RSPH9: variants seen among roughly 807,000 people sequenced by gnomAD.
The protein encoded by RSPH9 is radial spoke head protein 9 homolog.
In RSPH9, 27 loss-of-function variants were observed where a neutral mutation model predicts 27.0. The ratio of observed to expected loss-of-function variants is 1.00; its 90% confidence interval spans 0.74 to 1.38. RSPH9 has a LOEUF of 1.38. Among genes scored for constraint, RSPH9 ranks in the 40% most tolerant of loss-of-function variants. The probability of loss-of-function intolerance (pLI) is 0.00; values close to 1 mark genes in which losing one functional copy is unlikely to be tolerated. For synonymous variants in RSPH9, 145 were observed against 147.7 expected, an observed-to-expected ratio of 0.98 and a Z score of 0.13; for missense variants, 347 against 357.4, an observed-to-expected ratio of 0.97 and a Z score of 0.24.
chr6:43,651,076 T>C (rs1334078048), intron 2 of RSPH9, among the ~76,000 whole-genome samples: 1 of 151,844 alleles, frequency 6.6e-6, no homozygotes, highest in Non-Finnish European at 1.5e-5. Flanking sequence ...AGTGCAGGCA[T>C]GAGCCAGCAT....
chr6:43,655,829 G>T, intron 3 of RSPH9, 138 bp downstream of exon 3: 1 of 1,036,912 alleles, frequency 9.6e-7, no homozygotes, highest in Non-Finnish European at 1.4e-6. Flanking sequence ...ACCTGGGAGG[G>T]TGTGCCCAGT....
intron 2 of RSPH9, 117 bp from the exon 3 acceptor site, chr6:43,655,445 G>A (rs1403677305): frequency 3.7e-6 from 4 of 1,087,362 alleles, no homozygotes; most frequent in Admixed American, 1.7e-5. Flanking sequence ...TGATCTGTGT[G>A]GCTCTGGGGT....
chr6:43,646,802 A>G (rs978298689), intron 1 of RSPH9, among the ~76,000 whole-genome samples: 26 of 151,850 alleles, frequency 1.7e-4, no homozygotes, highest in Admixed American at 2.6e-4. Context: ...TGAAAATACG[A>G]AAAATTAGAC....
chr6:43,650,367 G>A lies in RSPH9; in HGVS notation c.228-8G>A. 1 of 1,612,870 alleles carries A rather than the reference G, an allele frequency of 6.2e-7. No homozygotes were observed. Among genetic ancestry groups the A allele is most frequent in the East Asian group, 2.2e-5 (1 of 44,878 alleles). ...GGAATCCAGGGGTGATGTGAATATT[G>A]TTGGCAGCCTGAACTGCACAGAGTG... On this transcript the variant is annotated splice_polypyrimidine_tract_variant and splice_region_variant and intron_variant, in intron 1 of 4. Coordinates refer to ENST00000372163, the MANE Select transcript of RSPH9 (RefSeq NM_152732.5).
rs1044367157 is a variant in RSPH9 at position 43,650,375 on chromosome 6, C to T, written c.228C>T (p.Ser76=). 1.9e-6 allele frequency: 3 copies of T among 1,612,840 alleles called. No homozygotes were observed. Among genetic ancestry groups the T allele is most frequent in the Admixed American group, 3.3e-5 (2 of 59,988 alleles). The change falls in exon 2 of 5, where the codon AGC becomes AGT. Residue 76 remains serine, a splice_region_variant and synonymous_variant. Transcript: ENST00000372163. Reference sequence around the variant, plus strand: ...GGGGTGATGTGAATATTGTTGGCAGCCTGAACTGCACAGAGTGGAGCCTCT... The same window carrying T: ...GGGGTGATGTGAATATTGTTGGCAGTCTGAACTGCACAGAGTGGAGCCTCT... ...DQLAPRKTLY[S]LNCTEWSLLP...
At chr6:43,656,001 C>CTTCCTTCT (rs1376937989) in intron 3 of RSPH9, among the ~76,000 whole-genome samples, 1 of 127,218 alleles carries the variant, frequency 7.9e-6, no homozygotes, top group Non-Finnish European at 1.6e-5. Flanking sequence ...TCCTTCCTTC[C>CTTCCTTCT]TTCCTTCCTT....
chr6:43,649,466 C>T (rs114651365), intron 1 of RSPH9, among the ~76,000 whole-genome samples: 1,674 of 152,096 alleles, frequency 0.011, 26 homozygotes, highest in African/African-American at 0.038. Flanking sequence ...TGTGAGCCAC[C>T]GCGCCTGGTC....
At position 43,671,573 on chromosome 6, in the gene RSPH9, T is replaced by A. The variant is rs1234533326; in HGVS notation, c.*624T>A. On this transcript the variant is annotated 3_prime_UTR_variant, in exon 5 of 5. Transcript: ENST00000372163. The stretch of plus-strand genomic sequence containing the variant: ...CCCAACTGCCCTGCCTGCCTCTAGC[T>A]CCCAGCATTGCTACTGTGCAGGCCA... 1 of 658,798 alleles carries A rather than the reference T, an allele frequency of 1.5e-6. No homozygotes were observed. Among genetic ancestry groups the A allele is most frequent in the Non-Finnish European group, 2.6e-6 (1 of 388,644 alleles). The allele number at this position is 658,798 out of a possible 1,614,324, so 40.8% of individuals were successfully genotyped here.
chr6:43,665,257 T>C (rs1183420875), intron 4 of RSPH9, among the ~76,000 whole-genome samples: 1 of 152,210 alleles, frequency 6.6e-6, no homozygotes, highest in Non-Finnish European at 1.5e-5. Context: ...TGCCCTCTGC[T>C]GTCTCGGGTA....
chr6:43,645,264 G>GATT lies in RSPH9; in HGVS notation c.168_170dup (p.Tyr58dup). 6.2e-7 allele frequency: 1 copy of GATT among 1,613,858 alleles called. No homozygotes were observed. The highest frequency in any genetic ancestry group is 1.1e-5 in the South Asian group (1 of 91,084). ...GGGCCGCATCCTTGGCCTCGTCGCC[G>GATT]ATTACTACATCGCGCAGGGCCTGAG... On this transcript the variant is annotated inframe_insertion, in exon 1 of 5. Transcript: ENST00000372163.
rs745675858 is a variant in RSPH9 at position 43,671,001 on chromosome 6, A to G, written c.*52A>G. On this transcript the variant is annotated 3_prime_UTR_variant, in exon 5 of 5. Transcript: ENST00000372163. ...AACAGAGTCTAAACATGATTTTCTT[A>G]AGCTTCAGTGAACTTGGCCTGCCTG... 5 of 1,609,872 alleles carry G rather than the reference A, an allele frequency of 3.1e-6. No individual in the cohort carries two copies. In the Admixed American group the frequency reaches 5.0e-5, roughly 16 times the overall value.
chr6:43,656,119 C>G (rs1403102300), intron 3 of RSPH9, among the ~76,000 whole-genome samples: 2 of 136,600 alleles, frequency 1.5e-5, no homozygotes, highest in African/African-American at 5.3e-5. Context: ...GTGTTTTGCT[C>G]TTGTCATCCA....
intron 4 of RSPH9, among the ~76,000 whole-genome samples, chr6:43,659,452 G>A (rs985988438): frequency 8.7e-5 from 13 of 150,160 alleles, no homozygotes; most frequent in Admixed American, 4.0e-4. Context: ...GTGCGATCTC[G>A]GCTCACTGCA....
At chr6:43,656,449 C>T (rs1772059200) in intron 3 of RSPH9, 128 bp from the exon 4 acceptor site, 1 of 1,086,486 alleles carries the variant, frequency 9.2e-7, no homozygotes, top group Non-Finnish European at 1.4e-6. Context: ...CCCTTTCCTT[C>T]CTTTAGCTCT....
At chr6:43,668,281 G>T (rs765481494) in intron 4 of RSPH9, among the ~76,000 whole-genome samples, 5 of 152,144 alleles carry the variant, frequency 3.3e-5, no homozygotes, top group Non-Finnish European at 5.9e-5. Context: ...TAGATGCTAC[G>T]TGACTCCTGG....
At chr6:43,662,832 C>T (rs1772771542) in intron 4 of RSPH9, among the ~76,000 whole-genome samples, 1 of 151,932 alleles carries the variant, frequency 6.6e-6, no homozygotes, top group African/African-American at 2.4e-5. Context: ...GGTCTTGCTT[C>T]ATCACCCAGA....
At chr6:43,657,255 T>C (rs1321597429) in intron 4 of RSPH9, among the ~76,000 whole-genome samples, 6 of 152,238 alleles carry the variant, frequency 3.9e-5, no homozygotes, top group Non-Finnish European at 7.3e-5. Flanking sequence ...CCCCACTTCT[T>C]TCTCTTCCCT....
chr6:43,671,853 G>T lies in RSPH9; in HGVS notation c.*904G>T, dbSNP rs1213461600. ...GGGCATGCGCACCCTGTTCCAGCGGGGGCCTTTTTTGTAGATGGGCTTGAC... is the reference window on the plus strand; with the variant it reads ...GGGCATGCGCACCCTGTTCCAGCGGTGGCCTTTTTTGTAGATGGGCTTGAC... On this transcript the variant is annotated 3_prime_UTR_variant, in exon 5 of 5. Transcript: ENST00000372163. 1 of 1,613,962 alleles carries T rather than the reference G, an allele frequency of 6.2e-7. No homozygotes were observed. Among genetic ancestry groups the T allele is most frequent in the Non-Finnish European group, 8.5e-7 (1 of 1,180,000 alleles).
At chr6:43,645,404 A>G (rs1770745646) in intron 1 of RSPH9, 79 bp downstream of exon 1, 1 of 1,126,870 alleles carries the variant, frequency 8.9e-7, no homozygotes, top group Non-Finnish European at 1.3e-6. Flanking sequence ...GCAGCAATTG[A>G]AAGGGGCGGG....
Sources: gnomAD v4.1 joint callset for allele counts (sites outside exome capture counted in the v4.1 genomes callset) on GRCh38, gnomAD v4.1.1 for gene constraint, MANE v1.5 for transcripts, NCBI Gene and HGNC (gene_info 2026-07-23, HGNC 2026-07-21) for gene names.